The following CTNNA3 variants were observed in gnomAD, a reference collection of about 807,000 sequenced individuals.
CTNNA3 encodes the protein catenin alpha-3.
Under a neutral mutation model 95.7 loss-of-function variants are expected in CTNNA3, and 76 were observed. The observed-to-expected ratio is 0.79, with a 90% confidence interval of 0.66 to 0.96. The LOEUF is 0.96. Among genes scored for constraint, CTNNA3 ranks in the 40% least tolerant of loss-of-function variants. CTNNA3 has a pLI of 0.00. For synonymous variants in CTNNA3, 431 were observed against 374.4 expected (o/e 1.15, Z -1.74); for missense variants, 1,191 against 1,089.8 (o/e 1.09, Z -1.31).
intron 1 of CTNNA3, among the ~76,000 whole-genome samples, chr10:67,710,458 T>C (rs1841101207): frequency 6.6e-6 from 1 of 152,180 alleles, no homozygotes; most frequent in South Asian, 2.1e-4. Flanking sequence ...GAATGTGAGC[T>C]AGAAACCCAG....
intron 10 of CTNNA3, among the ~76,000 whole-genome samples, chr10:66,540,110 A>C (rs1841798012): frequency 6.6e-6 from 1 of 152,134 alleles, no homozygotes; most frequent in Non-Finnish European, 1.5e-5. Flanking sequence ...CCTTACTGTT[A>C]TAAACATTGG....
intron 7 of CTNNA3, among the ~76,000 whole-genome samples, chr10:67,168,279 T>C (rs1247073845): frequency 6.6e-6 from 1 of 152,100 alleles, no homozygotes; most frequent in African/African-American, 2.4e-5. Context: ...CCCAACTCAT[T>C]CTACAAGGCC....
chr10:67,590,151 T>C (rs555890752), intron 3 of CTNNA3, among the ~76,000 whole-genome samples: 16 of 152,252 alleles, frequency 1.1e-4, no homozygotes, highest in African/African-American at 3.8e-4. Flanking sequence ...ATATCATGTA[T>C]AAGCAGCAAG....
intron 6 of CTNNA3, among the ~76,000 whole-genome samples, chr10:67,208,938 T>C (rs532127660): frequency 6.6e-6 from 1 of 152,244 alleles, no homozygotes; most frequent in African/African-American, 2.4e-5. Flanking sequence ...GTAGACACTA[T>C]TAAAATAAAG....
chr10:66,784,590 G>T (rs1261313498), intron 7 of CTNNA3, among the ~76,000 whole-genome samples: 1 of 151,900 alleles, frequency 6.6e-6, no homozygotes. Flanking sequence ...TCTAATATTT[G>T]AAAATTTCCA....
At position 67,682,963 on chromosome 10, in the gene CTNNA3, G is replaced by C. The variant is rs573243522; in HGVS notation, c.-6+13037C>G. 7.2e-5 allele frequency among the ~76,000 whole-genome samples: 11 copies of C among 152,298 alleles called. No homozygotes were observed. In the South Asian group the frequency reaches 2.3e-3, roughly 32 times the overall value. On this transcript the variant is annotated intron_variant, in intron 1 of 17. Transcript: ENST00000433211. Reference sequence around the variant, plus strand: ...GCATCTGTCTTAACCAAATATAACTGTCTTAAGCGGGAAGAAGATACAAGA... The same window carrying C: ...GCATCTGTCTTAACCAAATATAACTCTCTTAAGCGGGAAGAAGATACAAGA...
chr10:66,772,226 C>T (rs1210829935), intron 8 of CTNNA3, among the ~76,000 whole-genome samples: 1 of 151,980 alleles, frequency 6.6e-6, no homozygotes, highest in African/African-American at 2.4e-5. Flanking sequence ...GAGTTCGAGA[C>T]CAGCCTGGCC....
At chr10:67,270,045 C>T (rs940935359) in intron 5 of CTNNA3, among the ~76,000 whole-genome samples, 1 of 151,326 alleles carries the variant, frequency 6.6e-6, no homozygotes, top group Admixed American at 6.6e-5. Context: ...TCAGCAGCTG[C>T]ACTCTAGACC....
At chr10:67,497,294 G>T (rs752447114) in intron 5 of CTNNA3, among the ~76,000 whole-genome samples, 1 of 152,082 alleles carries the variant, frequency 6.6e-6, no homozygotes, top group Non-Finnish European at 1.5e-5. Flanking sequence ...AGTGTTCCAT[G>T]GTATATATGT....
At chr10:65,966,084 A>C (rs1004057267) in intron 17 of CTNNA3, among the ~76,000 whole-genome samples, 11 of 152,194 alleles carry the variant, frequency 7.2e-5, no homozygotes, top group Admixed American at 1.3e-4. Context: ...ACTCAGGGCC[A>C]CCAAAGAATT....
At chr10:67,671,900 G>T (rs1210407020) in intron 1 of CTNNA3, among the ~76,000 whole-genome samples, 1 of 151,992 alleles carries the variant, frequency 6.6e-6, no homozygotes, top group Non-Finnish European at 1.5e-5. Context: ...GGGTCAAATG[G>T]TATTTGTAGT....
intron 5 of CTNNA3, among the ~76,000 whole-genome samples, chr10:67,415,787 A>C (rs1369824768): frequency 6.6e-6 from 1 of 152,204 alleles, no homozygotes; most frequent in Non-Finnish European, 1.5e-5. Flanking sequence ...TGGTATTGGT[A>C]CAAAAATAGA....
chr10:67,455,308 C>T (rs1847131330), intron 5 of CTNNA3, among the ~76,000 whole-genome samples: 1 of 151,892 alleles, frequency 6.6e-6, no homozygotes, highest in Admixed American at 6.6e-5. Flanking sequence ...TAGAACTGTG[C>T]AAGAAATCAA....
At chr10:67,481,722 T>A (rs1004356267) in intron 5 of CTNNA3, among the ~76,000 whole-genome samples, 1 of 152,196 alleles carries the variant, frequency 6.6e-6, no homozygotes, top group Non-Finnish European at 1.5e-5. Flanking sequence ...TGATGGTAGT[T>A]TTTTTGCTGT....
intron 7 of CTNNA3, among the ~76,000 whole-genome samples, chr10:66,849,744 T>C (rs1395677476): frequency 6.6e-6 from 1 of 152,116 alleles, no homozygotes; most frequent in Non-Finnish European, 1.5e-5. Flanking sequence ...AGCATGGTCC[T>C]ACAGATACCT....
At chr10:66,515,343 C>CTATA (rs201881906) in intron 11 of CTNNA3, among the ~76,000 whole-genome samples, 35 of 138,654 alleles carry the variant, frequency 2.5e-4, no homozygotes, top group African/African-American at 3.7e-4. Flanking sequence ...CTCTCTCTCT[C>CTATA]TCTATATATA....
At chr10:66,607,393 A>C in intron 10 of CTNNA3, among the ~76,000 whole-genome samples, 1 of 148,676 alleles carries the variant, frequency 6.7e-6, no homozygotes, top group South Asian at 2.2e-4. Flanking sequence ...CTATTCCAAA[A>C]TATTGAGGAG....
chr10:66,648,884 G>T (rs7070983), intron 9 of CTNNA3, among the ~76,000 whole-genome samples: 8,225 of 152,176 alleles, frequency 0.054, 752 homozygotes, highest in African/African-American at 0.19. Context: ...TGGGAGATGT[G>T]TATTTGAGAT....
intron 9 of CTNNA3, among the ~76,000 whole-genome samples, chr10:66,668,490 T>C (rs1031616284): frequency 4.0e-5 from 6 of 151,750 alleles, no homozygotes; most frequent in African/African-American, 1.5e-4. Context: ...TACATACACA[T>C]ATATATTCAA....
Sources: gnomAD v4.1 joint callset for allele counts (sites outside exome capture counted in the v4.1 genomes callset) on GRCh38, gnomAD v4.1.1 for gene constraint, MANE v1.5 for transcripts, NCBI Gene and HGNC (gene_info 2026-07-23, HGNC 2026-07-21) for gene names.